The following PRKCA variants were observed in gnomAD, a reference collection of about 807,000 sequenced individuals.
PRKCA encodes the protein protein kinase C alpha.
A neutral mutation model predicts 87.0 loss-of-function variants in PRKCA; 27 were observed. The observed-to-expected ratio is 0.31, with a 90% CI of 0.23 to 0.43. PRKCA has a LOEUF of 0.43. Ranked by LOEUF, PRKCA falls within the 20% of genes least tolerant of loss-of-function variation. PRKCA has a pLI of 1.00. For synonymous variants in PRKCA, 329 were observed against 311.1 expected, an observed-to-expected ratio of 1.06 and a Z score of -0.61; for missense variants, 518 against 852.3, an observed-to-expected ratio of 0.61 and a Z score of 4.88.
chr17:66,512,457 A>ATGT (rs1484252990), intron 3 of PRKCA, among the ~76,000 whole-genome samples: 3 of 144,364 alleles, frequency 2.1e-5, no homozygotes, highest in African/African-American at 7.9e-5. Flanking sequence ...CAACAAAAAA[A>ATGT]GTGTGTGTGT....
rs769107323 is a variant in PRKCA at position 66,759,496 on chromosome 17, A to C, written c.1525-14491A>C. ...TGGAATCATATGAAATGCTCAGCTA[A>C]ACCCGCAAGAGGCAGAAAAAGAGTG... On this transcript the variant is annotated intron_variant, in intron 13 of 16. Coordinates refer to ENST00000413366, the MANE Select transcript of PRKCA (RefSeq NM_002737.3). Among the ~76,000 whole-genome samples the C allele has an allele frequency of 3.3e-5, 5 of 151,886 alleles. 1 individual carries two copies. The highest frequency in any genetic ancestry group is 5.9e-5 in the Non-Finnish European group (4 of 68,002).
intron 2 of PRKCA, among the ~76,000 whole-genome samples, chr17:66,398,871 G>T (rs567505876): frequency 6.6e-6 from 1 of 152,150 alleles, no homozygotes; most frequent in African/African-American, 2.4e-5. Flanking sequence ...AGTGCACTGG[G>T]CAGACAGAGT....
intron 5 of PRKCA, among the ~76,000 whole-genome samples, chr17:66,668,242 A>C (rs959124934): frequency 6.6e-6 from 1 of 152,204 alleles, no homozygotes; most frequent in Admixed American, 6.5e-5. Context: ...CTTTCCATAC[A>C]GTCTACAAAT....
chr17:66,733,282 G>A (rs1348916038), intron 9 of PRKCA, among the ~76,000 whole-genome samples: 2 of 152,126 alleles, frequency 1.3e-5, no homozygotes, highest in African/African-American at 4.8e-5. Flanking sequence ...AGTCTATGGT[G>A]TGAAATGAAG....
intron 3 of PRKCA, among the ~76,000 whole-genome samples, chr17:66,566,359 A>AT (rs1241281678): frequency 2.6e-5 from 4 of 151,702 alleles, no homozygotes; most frequent in Non-Finnish European, 4.4e-5. Context: ...CTTTAGAAAT[A>AT]TTTTTTATGT....
intron 6 of PRKCA, among the ~76,000 whole-genome samples, chr17:66,687,520 G>A (rs1291289575): frequency 6.6e-6 from 1 of 152,158 alleles, no homozygotes; most frequent in Non-Finnish European, 1.5e-5. Flanking sequence ...TCTATTTAAG[G>A]AAATAGAATT....
chr17:66,364,103 A>T (rs1402387954), intron 2 of PRKCA: 1 of 152,844 alleles, frequency 6.5e-6, no homozygotes, highest in Non-Finnish European at 1.5e-5. Flanking sequence ...TGAGCTCAGG[A>T]GCACTGAGCT....
At chr17:66,503,301 C>T (rs758241197) in intron 3 of PRKCA, among the ~76,000 whole-genome samples, 32 of 152,140 alleles carry the variant, frequency 2.1e-4, no homozygotes, top group Non-Finnish European at 3.4e-4. Context: ...TGAACCGTCC[C>T]GTTGAACAGA....
At chr17:66,632,137 C>A (rs184711684) in intron 3 of PRKCA, among the ~76,000 whole-genome samples, 1 of 152,294 alleles carries the variant, frequency 6.6e-6, no homozygotes, top group Admixed American at 6.5e-5. Context: ...CCAATGGTGT[C>A]TCATGAAGCA....
At chr17:66,781,640 A>G (rs79060233) in intron 14 of PRKCA, among the ~76,000 whole-genome samples, 1,787 of 152,178 alleles carry the variant, frequency 0.012, 37 homozygotes, top group African/African-American at 0.04. Context: ...AGATGCCTAG[A>G]GTAGTCAAAT....
intron 3 of PRKCA, among the ~76,000 whole-genome samples, chr17:66,513,136 G>T (rs1025590751): frequency 6.6e-6 from 1 of 152,200 alleles, no homozygotes; most frequent in African/African-American, 2.4e-5. Flanking sequence ...TTACTCTTCT[G>T]TTTAACCTAA....
At chr17:66,384,022 C>T (rs1301498556) in intron 2 of PRKCA, among the ~76,000 whole-genome samples, 1 of 152,064 alleles carries the variant, frequency 6.6e-6, no homozygotes, top group Non-Finnish European at 1.5e-5. Context: ...GCTAGGACTC[C>T]ATTGCACTTT....
In PRKCA at chr17:66,332,139, C is replaced by T. The variant is rs573257515; in HGVS notation, c.205+26012C>T. Among the ~76,000 whole-genome samples the T allele has an allele frequency of 2.0e-5, 3 of 151,708 alleles. No individual in the cohort carries two copies. In the South Asian group the frequency reaches 6.2e-4, roughly 32 times the overall value. ...AAAAGTAATACCTCTTGGAATAGACCATGGGAATTCTGGTGATACCTAGGG... is the reference window on the plus strand; with the variant it reads ...AAAAGTAATACCTCTTGGAATAGACTATGGGAATTCTGGTGATACCTAGGG... On this transcript the variant is annotated intron_variant, in intron 2 of 16. Transcript: ENST00000413366.
chr17:66,494,344 A>G (rs1916373230), intron 2 of PRKCA, among the ~76,000 whole-genome samples: 1 of 152,224 alleles, frequency 6.6e-6, no homozygotes, highest in South Asian at 2.1e-4. Context: ...TTACAGTTCT[A>G]GAGGCCAGGA....
intron 3 of PRKCA, among the ~76,000 whole-genome samples, chr17:66,566,757 G>A (rs1968916447): frequency 6.6e-6 from 1 of 151,946 alleles, no homozygotes; most frequent in African/African-American, 2.4e-5. Context: ...ACACCTTTTT[G>A]ACATCAGATT....
At chr17:66,330,298 G>A (rs962255207) in intron 2 of PRKCA, among the ~76,000 whole-genome samples, 89 of 151,966 alleles carry the variant, frequency 5.9e-4, no homozygotes, top group African/African-American at 2.1e-3. Flanking sequence ...GTAGAGATGG[G>A]GTTTCGCCAT....
intron 3 of PRKCA, among the ~76,000 whole-genome samples, chr17:66,509,027 G>A (rs1917099768): frequency 6.6e-6 from 1 of 152,102 alleles, no homozygotes; most frequent in African/African-American, 2.4e-5. Context: ...GGGAGTGGCA[G>A]TTTTCCAAGA....
chr17:66,764,392 G>A (rs988802149), intron 13 of PRKCA, among the ~76,000 whole-genome samples: 2 of 152,142 alleles, frequency 1.3e-5, no homozygotes, highest in South Asian at 2.1e-4. Flanking sequence ...TGGAAGGCTG[G>A]GTGGCCTTGG....
chr17:66,728,339 G>T (rs540121086), intron 8 of PRKCA, among the ~76,000 whole-genome samples: 26 of 152,208 alleles, frequency 1.7e-4, no homozygotes, highest in Non-Finnish European at 3.2e-4. Context: ...CCCACACACC[G>T]GTCTGTCTCC....
Sources: gnomAD v4.1 joint callset for allele counts (sites outside exome capture counted in the v4.1 genomes callset) on GRCh38, gnomAD v4.1.1 for gene constraint, MANE v1.5 for transcripts, NCBI Gene and HGNC (gene_info 2026-07-23, HGNC 2026-07-21) for gene names.